LMNB1: variants seen among roughly 807,000 people sequenced by gnomAD.
The protein encoded by LMNB1 is lamin-B1.
Under a neutral mutation model 67.1 loss-of-function variants are expected in LMNB1, and 23 were observed. That is an observed-to-expected ratio of 0.34 (90% CI 0.25 to 0.49). The LOEUF is 0.49. Ranked by LOEUF, LMNB1 falls within the 20% of genes least tolerant of loss-of-function variation. The pLI is 0.99. For synonymous variants in LMNB1, 281 were observed against 282.9 expected, an observed-to-expected ratio of 0.99 and a Z score of 0.07; for missense variants, 634 against 746.5, an observed-to-expected ratio of 0.85 and a Z score of 1.76.
Position 126,789,681 on chromosome 5 carries a change from A to AT in LMNB1, c.359+11824dup, listed in dbSNP as rs200870568. On this transcript the variant is annotated intron_variant, in intron 1 of 10. Transcript: ENST00000261366. ...ACTTTGCATTTGGAGTTTCCTTTGAATTTTTTTTTTGAGGACGAGACTTGC... is the reference window on the plus strand; with the variant it reads ...ACTTTGCATTTGGAGTTTCCTTTGAATTTTTTTTTTTGAGGACGAGACTTGC... Among the ~76,000 whole-genome samples the AT allele has an allele frequency of 7.1e-4, 106 of 150,002 alleles. 1 individual carries two copies. The highest frequency in any genetic ancestry group is 2.0e-3 in the African/African-American group (80 of 40,934).
intron 1 of LMNB1, among the ~76,000 whole-genome samples, chr5:126,797,231 A>G (rs1446648967): frequency 6.6e-6 from 1 of 152,224 alleles, no homozygotes; most frequent in Non-Finnish European, 1.5e-5. Flanking sequence ...TGCCAGTTAC[A>G]TTTATAAAAC....
intron 4 of LMNB1, 78 bp from the exon 5 acceptor site, chr5:126,811,695 A>G: frequency 1.4e-6 from 2 of 1,393,514 alleles, no homozygotes; most frequent in Non-Finnish European, 2.0e-6. Flanking sequence ...TTAGGTTTGA[A>G]ATGCCTTGAG....
At chr5:126,796,778 T>TTTTC (rs1347808962) in intron 1 of LMNB1, among the ~76,000 whole-genome samples, 4 of 137,244 alleles carry the variant, frequency 2.9e-5, no homozygotes, top group Admixed American at 8.2e-5. Flanking sequence ...TCTTTTTCTT[T>TTTTC]TTTCTTTCTT....
At chr5:126,786,885 A>G (rs1750800317) in intron 1 of LMNB1, among the ~76,000 whole-genome samples, 1 of 152,208 alleles carries the variant, frequency 6.6e-6, no homozygotes, top group Admixed American at 6.5e-5. Flanking sequence ...GAATTACTGA[A>G]AGAGATCGCT....
chr5:126,818,850 G>T, intron 5 of LMNB1, 72 bp from the exon 6 acceptor site: 2 of 1,042,828 alleles, frequency 1.9e-6, no homozygotes, highest in South Asian at 1.4e-5. Flanking sequence ...TCTAGGAAAT[G>T]ATTTAAAATA....
Position 126,804,184 on chromosome 5 carries a change from C to T in LMNB1, c.360-592C>T, listed in dbSNP as rs566744074. Reference sequence around the variant, plus strand: ...ACCTCCTGGGCTCAAGCGATGTCCCCGCCTAAGCCTCCCAAGTAGCTGGGA... The same window carrying T: ...ACCTCCTGGGCTCAAGCGATGTCCCTGCCTAAGCCTCCCAAGTAGCTGGGA... On this transcript the variant is annotated intron_variant, in intron 1 of 10. Transcript: ENST00000261366. Among the ~76,000 whole-genome samples, 7 of 151,664 alleles carry T rather than the reference C, an allele frequency of 4.6e-5. No individual in the cohort carries two copies. In the South Asian group the frequency reaches 1.3e-3, roughly 27 times the overall value.
chr5:126,821,018 A>G lies in LMNB1; in HGVS notation c.1269A>G (p.Glu423=). 6.2e-7 allele frequency: 1 copy of G among 1,614,134 alleles called. No homozygotes were observed. The highest frequency in any genetic ancestry group is 8.5e-7 in the Non-Finnish European group (1 of 1,179,966). The part of the protein sequence containing the change: ...RGKRKRVDVE[E]SEASSSVSIS... ...AGCGGAAGAGGGTTGATGTGGAAGAATCAGAGGCGAGTAGTAGTGTTAGCA... is the reference window on the plus strand; with the variant it reads ...AGCGGAAGAGGGTTGATGTGGAAGAGTCAGAGGCGAGTAGTAGTGTTAGCA... Residue 423 remains glutamate, a synonymous_variant, in exon 7 of 11, where the codon GAA becomes GAG. Coordinates refer to ENST00000261366, the MANE Select transcript of LMNB1 (RefSeq NM_005573.4).
chr5:126,792,357 C>T (rs952998804), intron 1 of LMNB1, among the ~76,000 whole-genome samples: 3 of 150,988 alleles, frequency 2.0e-5, no homozygotes, highest in African/African-American at 7.3e-5. Context: ...TGACCAGGCT[C>T]GTCTTAAACT....
At chr5:126,791,815 G>T (rs1580529945) in intron 1 of LMNB1, among the ~76,000 whole-genome samples, 1 of 142,532 alleles carries the variant, frequency 7.0e-6, no homozygotes, top group African/African-American at 2.6e-5. Flanking sequence ...ACAGGGTCTT[G>T]CTCTGTTGCC....
chr5:126,811,928 G>T, intron 5 of LMNB1, 30 bp downstream of exon 5: 2 of 1,595,178 alleles, frequency 1.3e-6, no homozygotes, highest in South Asian at 2.2e-5. Flanking sequence ...TAAGAAGTTA[G>T]ACTTGAAGGC....
chr5:126,782,989 C>T (rs1750669818), intron 1 of LMNB1, among the ~76,000 whole-genome samples: 1 of 151,684 alleles, frequency 6.6e-6, no homozygotes. Context: ...GTCATGAGGT[C>T]AGGAGTTCGA....
At chr5:126,790,402 G>C (rs1750922237) in intron 1 of LMNB1, among the ~76,000 whole-genome samples, 1 of 152,106 alleles carries the variant, frequency 6.6e-6, no homozygotes, top group Admixed American at 6.6e-5. Flanking sequence ...CACCACATCT[G>C]GTCTGCTGTG....
chr5:126,791,975 G>T lies in LMNB1; in HGVS notation c.360-12801G>T, dbSNP rs140919276. ...TTTTCGTATTTTTAGTAGAGACGGG[G>T]TTTCACCATGTTGGTCAGGCTGGTC... On this transcript the variant is annotated intron_variant, in intron 1 of 10. Coordinates refer to ENST00000261366, the MANE Select transcript of LMNB1 (RefSeq NM_005573.4). Among the ~76,000 whole-genome samples the T allele has an allele frequency of 3.4e-3, 509 of 151,880 alleles. 5 individuals carry two copies. The highest frequency in any genetic ancestry group is 0.012 in the African/African-American group (486 of 41,384).
At chr5:126,783,573 A>G (rs772480475) in intron 1 of LMNB1, among the ~76,000 whole-genome samples, 24 of 152,182 alleles carry the variant, frequency 1.6e-4, no homozygotes, top group Non-Finnish European at 3.4e-4. Flanking sequence ...TTTCCTTCCC[A>G]TGCTTTCAAA....
Position 126,836,331 on chromosome 5 carries a change from T to C in LMNB1, c.*67T>C. The stretch of plus-strand genomic sequence containing the variant: ...CTTTACCTGTATACAGTGCAGAGCC[T>C]TCTCAGAAGCACAGAATATTTTTAT... On this transcript the variant is annotated 3_prime_UTR_variant, in exon 11 of 11. Transcript: ENST00000261366. 1.0e-6 allele frequency: 1 copy of C among 969,918 alleles called. No individual in the cohort carries two copies. The allele number at this position is 969,918 out of a possible 1,614,324, so 60.1% of individuals were successfully genotyped here. A position where few individuals can be genotyped will look rare whatever the true frequency, so the allele number is the denominator to read the frequency against.
intron 8 of LMNB1, among the ~76,000 whole-genome samples, chr5:126,824,090 T>C (rs1266767888): frequency 1.3e-5 from 2 of 152,204 alleles, no homozygotes; most frequent in Non-Finnish European, 1.5e-5. Flanking sequence ...AATTATCATA[T>C]AAAATAATGT....
At chr5:126,786,252 A>G (rs1189443304) in intron 1 of LMNB1, among the ~76,000 whole-genome samples, 2 of 150,298 alleles carry the variant, frequency 1.3e-5, no homozygotes, top group East Asian at 4.0e-4. Flanking sequence ...CCTCCCAAGT[A>G]GCTGGGACTA....
Position 126,804,796 on chromosome 5 carries a change from A to T in LMNB1, c.380A>T (p.Asp127Val). ...TCCAGCTATGCTAAGAAGGAATCTGATCTTAATGGCGCCCAGATCAAGCTT... is the reference window on the plus strand; with the variant it reads ...TCCAGCTATGCTAAGAAGGAATCTGTTCTTAATGGCGCCCAGATCAAGCTT... ...LLLNYAKKES[D>V]LNGAQIKLRE... The change falls in exon 2 of 11, where the codon GAT (aspartate) becomes GTT (valine). Residue 127 changes from aspartate (D) to valine (V), a missense_variant. Physicochemically the swap from Asp to Val is radical, Grantham distance 152 (BLOSUM62 -3). Coordinates refer to ENST00000261366, the MANE Select transcript of LMNB1 (RefSeq NM_005573.4). 6.2e-7 allele frequency: 1 copy of T among 1,614,088 alleles called. No homozygotes were observed. The highest frequency in any genetic ancestry group is 1.1e-5 in the South Asian group (1 of 91,062).
chr5:126,810,850 A>T (rs566476231), intron 4 of LMNB1, among the ~76,000 whole-genome samples: 13 of 152,330 alleles, frequency 8.5e-5, no homozygotes, highest in African/African-American at 3.1e-4. Context: ...TTATTCACTT[A>T]AAAAAATATT....
Sources: gnomAD v4.1 joint callset for allele counts (sites outside exome capture counted in the v4.1 genomes callset) on GRCh38, gnomAD v4.1.1 for gene constraint, MANE v1.5 for transcripts, NCBI Gene and HGNC (gene_info 2026-07-23, HGNC 2026-07-21) for gene names.